Variants in SEMA3A observed in about 807,000 individuals in gnomAD.
The protein encoded by SEMA3A is semaphorin-3A.
In SEMA3A, 29 loss-of-function variants were observed where a neutral mutation model predicts 97.9. That is an observed-to-expected ratio of 0.30 (90% confidence interval 0.22 to 0.40). The LOEUF is 0.40. SEMA3A is among the 10% of genes least tolerant of loss of function. The pLI is 1.00. For synonymous variants in SEMA3A, 321 were observed against 323.7 expected, an observed-to-expected ratio of 0.99 and a Z score of 0.09; for missense variants, 763 against 951.3, an observed-to-expected ratio of 0.80 and a Z score of 2.60.
chr7:84,144,899 T>C (rs888175605), intron 1 of SEMA3A, among the ~76,000 whole-genome samples: 1 of 152,210 alleles, frequency 6.6e-6, no homozygotes, highest in African/African-American at 2.4e-5. Context: ...TTTCATTATC[T>C]ATGAGATTTG....
intron 3 of SEMA3A, among the ~76,000 whole-genome samples, chr7:84,200,821 A>T (rs1187834625): frequency 6.8e-6 from 1 of 146,288 alleles, no homozygotes; most frequent in African/African-American, 2.5e-5. Context: ...TTTAAGTGAG[A>T]GTCTCCACCT....
intron 4 of SEMA3A, among the ~76,000 whole-genome samples, chr7:84,084,573 G>A (rs1424505328): frequency 6.6e-6 from 1 of 151,810 alleles, no homozygotes; most frequent in Non-Finnish European, 1.5e-5. Context: ...ATGTAATCTG[G>A]TCACTCCAAT....
intron 12 of SEMA3A, among the ~76,000 whole-genome samples, chr7:84,001,073 T>G (rs1790425777): frequency 6.7e-6 from 1 of 149,388 alleles, no homozygotes; most frequent in Admixed American, 6.6e-5. Context: ...ATACGTGTTT[T>G]TTTTTTTTGC....
intron 4 of SEMA3A, among the ~76,000 whole-genome samples, chr7:84,062,051 C>G (rs1022293544): frequency 3.4e-4 from 52 of 152,250 alleles, no homozygotes; most frequent in Admixed American, 2.7e-3. Context: ...GATATTTAAC[C>G]TCACAAGTTA....
intron 1 of SEMA3A, among the ~76,000 whole-genome samples, chr7:84,403,872 T>A (rs916194398): frequency 2.0e-5 from 3 of 151,996 alleles, no homozygotes; most frequent in Non-Finnish European, 2.9e-5. Flanking sequence ...AGAAAGGACA[T>A]CCACACCAAA....
intron 3 of SEMA3A, among the ~76,000 whole-genome samples, chr7:84,226,772 CA>C (rs1798998336): frequency 6.6e-6 from 1 of 151,976 alleles, no homozygotes; most frequent in Admixed American, 6.6e-5. Flanking sequence ...GTTCAAAAAG[CA>C]AGATAATTTT....
chr7:84,422,769 T>C (rs1444347676), intron 1 of SEMA3A, among the ~76,000 whole-genome samples: 2 of 152,112 alleles, frequency 1.3e-5, no homozygotes, highest in African/African-American at 2.4e-5. Context: ...CATTTTGTTA[T>C]GTACCCAGTA....
chr7:84,082,606 G>A (rs1440082866), intron 4 of SEMA3A, among the ~76,000 whole-genome samples: 1 of 151,892 alleles, frequency 6.6e-6, no homozygotes, highest in Non-Finnish European at 1.5e-5. Flanking sequence ...AAAAAGAAAA[G>A]GTTATATTTT....
At chr7:84,313,356 GTATATATATATATATATATATA>G (rs869145201) in intron 2 of SEMA3A, among the ~76,000 whole-genome samples, 11 of 23,052 alleles carry the variant, frequency 4.8e-4, no homozygotes, top group South Asian at 4.4e-3. Flanking sequence ...ATGTGTGTGT[GTATATATATATATATATATATA>G]TATATATATA....
rs375800817 is a variant in SEMA3A at position 84,261,167 on chromosome 7, G to C, written c.-83+46040C>G. On this transcript the variant is annotated intron_variant, in intron 3 of 3. Coordinates refer to the SEMA3A transcript ENST00000424555. ...CCACTCAGGGTATTCTTTCTGATGA[G>C]AGCTGGAGACCCATCAGGACTGCCT... Among the ~76,000 whole-genome samples, 13 of 152,236 alleles carry C rather than the reference G, an allele frequency of 8.5e-5. No individual in the cohort carries two copies. The South Asian group carries it at 2.7e-3, about 32-fold the overall frequency.
At chr7:84,336,712 A>T (rs371516187) in intron 2 of SEMA3A, among the ~76,000 whole-genome samples, 1 of 152,154 alleles carries the variant, frequency 6.6e-6, no homozygotes, top group Non-Finnish European at 1.5e-5. Flanking sequence ...AGAATTCATC[A>T]GAAAGAAACA....
At chr7:84,005,770 G>C (rs1274000257) in intron 10 of SEMA3A, among the ~76,000 whole-genome samples, 2 of 151,928 alleles carry the variant, frequency 1.3e-5, no homozygotes, top group Non-Finnish European at 2.9e-5. Context: ...CCAACATGGT[G>C]AAACCCCATC....
chr7:84,301,569 A>C (rs1372888359), intron 3 of SEMA3A, among the ~76,000 whole-genome samples: 1 of 152,164 alleles, frequency 6.6e-6, no homozygotes, highest in Non-Finnish European at 1.5e-5. Flanking sequence ...GATTCATGCC[A>C]TGAAGTTTTG....
chr7:84,151,070 C>T (rs1421124406), intron 1 of SEMA3A, among the ~76,000 whole-genome samples: 11 of 149,860 alleles, frequency 7.3e-5, no homozygotes, highest in Non-Finnish European at 1.3e-4. Flanking sequence ...AAAGGACATC[C>T]ACACCAAAAA....
intron 1 of SEMA3A, among the ~76,000 whole-genome samples, chr7:84,381,988 G>A (rs1280150376): frequency 3.3e-5 from 5 of 152,178 alleles, no homozygotes; most frequent in Non-Finnish European, 5.9e-5. Context: ...GAGCCCAGGT[G>A]TGAGGTTTGT....
At position 84,401,170 on chromosome 7, in the gene SEMA3A, G is replaced by A. The variant is rs76873413; in HGVS notation, c.-245-29270C>T. Among the ~76,000 whole-genome samples the A allele has an allele frequency of 3.3e-3, 505 of 152,144 alleles. 3 individuals carry two copies. Among genetic ancestry groups the A allele is most frequent in the African/African-American group, 0.011 (443 of 41,544 alleles). ...TGGCTGATAAATTCAGTAAGATTGC[G>A]TGTTACAAAATCAAAATACAAAAAC... On this transcript the variant is annotated intron_variant, in intron 1 of 3. Coordinates refer to the SEMA3A transcript ENST00000424555.
chr7:83,991,606 A>G (rs1789941203), intron 12 of SEMA3A, among the ~76,000 whole-genome samples: 1 of 151,904 alleles, frequency 6.6e-6, no homozygotes, highest in African/African-American at 2.4e-5. Context: ...GGCTCTCTTT[A>G]TATGCTGGAT....
At chr7:84,111,855 A>C (rs12113436) in intron 3 of SEMA3A, among the ~76,000 whole-genome samples, 3,204 of 152,288 alleles carry the variant, frequency 0.021, 115 homozygotes, top group African/African-American at 0.074. Flanking sequence ...AAAATTTCCT[A>C]GCTTAAAAGG....
chr7:84,096,090 T>C (rs1409175896), intron 4 of SEMA3A, among the ~76,000 whole-genome samples: 1 of 152,050 alleles, frequency 6.6e-6, no homozygotes, highest in African/African-American at 2.4e-5. Flanking sequence ...CAAAACGTTA[T>C]AAACATCTTG....
Sources: allele counts gnomAD v4.1 joint callset (sites outside exome capture counted in the v4.1 genomes callset), GRCh38; gene constraint gnomAD v4.1.1; transcripts MANE v1.5; gene names NCBI Gene and HGNC (gene_info 2026-07-23, HGNC 2026-07-21).